FLI1: variants seen among roughly 807,000 people sequenced by gnomAD.
The protein encoded by FLI1 is Fli-1 proto-oncogene, ETS transcription factor.
A neutral mutation model predicts 53.1 loss-of-function variants in FLI1; 13 were observed. The ratio of observed to expected loss-of-function variants is 0.24; its 90% CI spans 0.16 to 0.39. FLI1 has a LOEUF of 0.39. Among genes scored for constraint, FLI1 ranks in the 10% least tolerant of loss-of-function variants. FLI1 has a pLI of 1.00. For synonymous variants in FLI1, 244 were observed against 236.7 expected, an observed-to-expected ratio of 1.03 and a Z score of -0.28; for missense variants, 424 against 600.5, an observed-to-expected ratio of 0.71 and a Z score of 3.07.
chr11:128,752,787 T>C (rs1194372858), intron 1 of FLI1, among the ~76,000 whole-genome samples: 2 of 152,218 alleles, frequency 1.3e-5, no homozygotes, highest in African/African-American at 4.8e-5. Flanking sequence ...ATTTAATAAG[T>C]GCTGTGATTA....
chr11:128,751,276 C>G (rs1258675566), intron 1 of FLI1, among the ~76,000 whole-genome samples: 1 of 152,182 alleles, frequency 6.6e-6, no homozygotes, highest in African/African-American at 2.4e-5. Flanking sequence ...CTGGCTTTAT[C>G]TGAACTCCCT....
chr11:128,736,014 T>C (rs193046221), intron 1 of FLI1, among the ~76,000 whole-genome samples: 1 of 152,266 alleles, frequency 6.6e-6, no homozygotes, highest in South Asian at 2.1e-4. Context: ...AGAGGCCAAA[T>C]TGATCATCTT....
At position 128,810,606 on chromosome 11, in the gene FLI1, G is replaced by A. The variant is rs766475254; in HGVS notation, c.977G>A (p.Ser326Asn). The A allele has an allele frequency of 3.1e-6, 5 of 1,613,924 alleles. No individual in the cohort carries two copies. Among genetic ancestry groups the A allele is most frequent in the African/African-American group, 1.3e-5 (1 of 75,050 alleles). ...EVARRWGERK[S>N]KPNMNYDKLS... ...GCCAGGCGCTGGGGCGAGCGGAAAA[G>A]CAAGCCCAACATGAATTACGACAAG... The change falls in exon 9 of 9, where the codon AGC (serine) becomes AAC (asparagine). Residue 326 changes from serine to asparagine, a missense_variant. Physicochemically the swap from Ser to Asn is conservative, Grantham distance 46 (BLOSUM62 1). Around this residue, in one of 5 missense-constraint regions of FLI1, gnomAD observed 71 missense variants for 174.2 expected, o/e 0.41. Transcript: ENST00000527786. This position sits in a 1 kb window ranked among gnomAD's most constrained non-coding sequence, Gnocchi z 6.6.
At chr11:128,700,196 C>T (rs1039227065) in intron 1 of FLI1, among the ~76,000 whole-genome samples, 1 of 152,244 alleles carries the variant, frequency 6.6e-6, no homozygotes. Flanking sequence ...CACTGGCCCA[C>T]ACACTCTTGC....
upstream of FLI1, chr11:128,686,394 T>C (rs532909155): frequency 9.9e-5 from 45 of 456,238 alleles, no homozygotes; most frequent in Admixed American, 4.0e-4. Flanking sequence ...GGAGACCCAA[T>C]GGTGTGAGGT....
At chr11:128,743,183 T>C (rs1220891712) in intron 1 of FLI1, among the ~76,000 whole-genome samples, 1 of 151,012 alleles carries the variant, frequency 6.6e-6, no homozygotes, top group Non-Finnish European at 1.5e-5. Context: ...AAGCAAGGAG[T>C]TCAAGACCAG....
chr11:128,792,576 T>C (rs1398575383), intron 5 of FLI1, among the ~76,000 whole-genome samples: 1 of 152,238 alleles, frequency 6.6e-6, no homozygotes, highest in African/African-American at 2.4e-5. Context: ...GAGAGGAAGC[T>C]TCTTCCATGC....
In FLI1 at chr11:128,745,630, C is replaced by G. The variant is rs151120541; in HGVS notation, c.19-12485C>G. The stretch of plus-strand genomic sequence containing the variant: ...GCTGGAAAACGGATTCAGGGTCTCC[C>G]CTGTCCCCATGCCCTGAGAGGAAAC... On this transcript the variant is annotated intron_variant, in intron 1 of 8. Transcript: ENST00000527786. Among the ~76,000 whole-genome samples, 71 of 152,316 alleles carry G rather than the reference C, an allele frequency of 4.7e-4. No homozygotes were observed. In the East Asian group the frequency reaches 0.012, roughly 25 times the overall value.
At chr11:128,794,949 G>A (rs1942386947) in intron 5 of FLI1, among the ~76,000 whole-genome samples, 1 of 152,166 alleles carries the variant, frequency 6.6e-6, no homozygotes, top group African/African-American at 2.4e-5. Context: ...GGTGGCACGG[G>A]CCTGTGGTCC....
intron 1 of FLI1, among the ~76,000 whole-genome samples, chr11:128,712,360 A>G (rs1043534576): frequency 6.6e-6 from 1 of 152,214 alleles, no homozygotes; most frequent in African/African-American, 2.4e-5. Flanking sequence ...CATGAGCACC[A>G]TGAGCCAAAT....
rs574638554 is a variant in FLI1, at chr11:128,768,455, G to A, written c.385+183G>A. On this transcript the variant is annotated intron_variant, in intron 3 of 8. Coordinates refer to ENST00000527786, the MANE Select transcript of FLI1 (RefSeq NM_002017.5). ...CCAGCACTTTGAGAGGCCAAGACGGGTGAATCACTTGTCAGGAGTTCAAGA... is the reference window on the plus strand; with the variant it reads ...CCAGCACTTTGAGAGGCCAAGACGGATGAATCACTTGTCAGGAGTTCAAGA... 45 of 651,942 alleles carry A rather than the reference G, an allele frequency of 6.9e-5. No individual in the cohort carries two copies. In the East Asian group the frequency reaches 1.2e-3, roughly 18 times the overall value. The allele number at this position is 651,942 out of a possible 1,614,324, so 40.4% of individuals were successfully genotyped here.
At chr11:128,768,694 A>T (rs887671343) in intron 3 of FLI1, among the ~76,000 whole-genome samples, 1 of 150,812 alleles carries the variant, frequency 6.6e-6, no homozygotes. Flanking sequence ...GTCTCAAAAA[A>T]AAAAAAAAAA....
At chr11:128,806,686 T>C (rs889660606) in intron 6 of FLI1, 1 of 152,194 alleles carries the variant, frequency 6.6e-6, no homozygotes, top group Non-Finnish European at 1.5e-5. Context: ...GAAGTGATCA[T>C]GGGAATGGAA....
chr11:128,717,729 T>C (rs749903867), intron 1 of FLI1, among the ~76,000 whole-genome samples: 8 of 152,184 alleles, frequency 5.3e-5, no homozygotes, highest in Admixed American at 2.6e-4. Flanking sequence ...TGCACCTAGT[T>C]TGAACAGGTT....
intron 1 of FLI1, among the ~76,000 whole-genome samples, chr11:128,752,469 G>C (rs1309751824): frequency 6.6e-6 from 1 of 152,214 alleles, no homozygotes; most frequent in Admixed American, 6.5e-5. Flanking sequence ...AGCTTGGATA[G>C]AAACTCAAAT....
chr11:128,754,234 G>GAT (rs1413272866), intron 1 of FLI1, among the ~76,000 whole-genome samples: 1 of 98,242 alleles, frequency 1.0e-5, no homozygotes, highest in Non-Finnish European at 2.0e-5. Context: ...ATAGAAGGGG[G>GAT]ATGTGTGTGT....
At chr11:128,768,676 G>A (rs1446394851) in intron 3 of FLI1, among the ~76,000 whole-genome samples, 1 of 116,340 alleles carries the variant, frequency 8.6e-6, no homozygotes, top group Non-Finnish European at 1.7e-5. Context: ...GTGATGGAAT[G>A]AGACTCTGTC....
intron 4 of FLI1, among the ~76,000 whole-genome samples, chr11:128,774,641 G>T (rs1373252458): frequency 6.6e-6 from 1 of 152,182 alleles, no homozygotes; most frequent in Non-Finnish European, 1.5e-5. Flanking sequence ...GACAACAGTA[G>T]CATAGACAGC....
At chr11:128,756,723 C>T (rs1165507804) in intron 1 of FLI1, among the ~76,000 whole-genome samples, 2 of 152,154 alleles carry the variant, frequency 1.3e-5, no homozygotes, top group African/African-American at 4.8e-5. Flanking sequence ...TAGATGACTA[C>T]CATCTTCTCT....
Sources: gnomAD v4.1 joint callset for allele counts (sites outside exome capture counted in the v4.1 genomes callset) on GRCh38, gnomAD v4.1.1 for gene constraint, gnomAD v4.1.1 regional missense constraint, Gnocchi (gnomAD v3.1) non-coding constraint, MANE v1.5 for transcripts, NCBI Gene and HGNC (gene_info 2026-07-23, HGNC 2026-07-21) for gene names.